Variants in MSN observed in about 807,000 individuals in gnomAD.
MSN encodes the protein epididymis luminal protein 70.
In MSN, 2 loss-of-function variants were observed where a neutral mutation model predicts 48.0. That is an observed-to-expected ratio of 0.04 (90% CI 0.02 to 0.13). The LOEUF (loss-of-function observed/expected upper bound fraction) is 0.13, where lower values mean the gene tolerates loss of function less well. MSN is among the 10% of genes least tolerant of loss of function. MSN has a pLI of 1.00. For missense variants in MSN, 267 were observed against 470.1 expected, an observed-to-expected ratio of 0.57 and a Z score of 3.99; for synonymous variants, 146 against 166.9, an observed-to-expected ratio of 0.87 and a Z score of 0.97.
At chrX:65,627,767 G>A (rs1049142316) in intron 1 of MSN, among the ~76,000 whole-genome samples, 2 of 111,764 alleles carry the variant, frequency 1.8e-5, no homozygotes, top group Non-Finnish European at 3.8e-5. Flanking sequence ...ATAGTCCAAA[G>A]TCTCACCTGA....
chrX:65,595,592 T>C (rs926539743), intron 1 of MSN, among the ~76,000 whole-genome samples: 1 of 112,002 alleles, frequency 8.9e-6, no homozygotes, highest in Non-Finnish European at 1.9e-5. Context: ...GCAAGTGGTC[T>C]AGTTGGGCCT....
At chrX:65,637,067 A>G (rs759962495) in intron 1 of MSN, among the ~76,000 whole-genome samples, 131 of 98,599 alleles carry the variant, frequency 1.3e-3, no homozygotes, top group South Asian at 0.011. Context: ...TCCAGCCTGG[A>G]CGACACAGCA....
At chrX:65,603,106 G>A (rs912693136) in intron 1 of MSN, among the ~76,000 whole-genome samples, 1 of 111,645 alleles carries the variant, frequency 9.0e-6, no homozygotes, top group Admixed American at 9.5e-5. Flanking sequence ...CCAGCCTGGC[G>A]AACATGGTGA....
chrX:65,659,824 A>G (rs1187208377), intron 1 of MSN, among the ~76,000 whole-genome samples: 1 of 111,077 alleles, frequency 9.0e-6, no homozygotes, highest in African/African-American at 3.3e-5. Flanking sequence ...ACCAACCTAT[A>G]TGTGGATGTA....
At chrX:65,695,841 G>A (rs1232371425) in intron 1 of MSN, among the ~76,000 whole-genome samples, 1 of 89,689 alleles carries the variant, frequency 1.1e-5, no homozygotes, top group Non-Finnish European at 1.9e-5. Context: ...AGAGGGTCAG[G>A]AAGCTGGGAA....
At chrX:65,718,041 A>T (rs1383488565) in intron 2 of MSN, among the ~76,000 whole-genome samples, 1 of 111,704 alleles carries the variant, frequency 9.0e-6, no homozygotes, top group Non-Finnish European at 1.9e-5. Flanking sequence ...CTGAGTTCTT[A>T]TTACATAGAG....
chrX:65,688,861 G>A (rs1044467109), intron 1 of MSN, among the ~76,000 whole-genome samples: 3 of 111,780 alleles, frequency 2.7e-5, no homozygotes, highest in African/African-American at 9.8e-5. Flanking sequence ...AAGGCTAATT[G>A]TGCTTTCCAC....
At chrX:65,606,326 A>G (rs1318443751) in intron 1 of MSN, among the ~76,000 whole-genome samples, 1 of 106,927 alleles carries the variant, frequency 9.4e-6, no homozygotes, top group Non-Finnish European at 1.9e-5. Context: ...ATGGGGTTTC[A>G]CCATCTTGGC....
intron 1 of MSN, among the ~76,000 whole-genome samples, chrX:65,618,026 A>T (rs1404018191): frequency 9.1e-6 from 1 of 109,467 alleles, no homozygotes; most frequent in African/African-American, 3.3e-5. Flanking sequence ...ATTGAGTGAG[A>T]TTCTTAATCC....
At chrX:65,689,821 G>A (rs2071155479) in intron 1 of MSN, among the ~76,000 whole-genome samples, 1 of 112,289 alleles carries the variant, frequency 8.9e-6, no homozygotes, top group Non-Finnish European at 1.9e-5. Context: ...TGATGTCAAA[G>A]CATGTGGGGT....
At chrX:65,699,591 T>TA (rs953083123) in intron 1 of MSN, among the ~76,000 whole-genome samples, 8 of 106,347 alleles carry the variant, frequency 7.5e-5, no homozygotes, top group East Asian at 2.9e-4. Context: ...CTACTAAAAA[T>TA]AAAAAAAAAT....
At chrX:65,659,460 A>C (rs2070806549) in intron 1 of MSN, among the ~76,000 whole-genome samples, 1 of 112,068 alleles carries the variant, frequency 8.9e-6, no homozygotes, top group Non-Finnish European at 1.9e-5. Flanking sequence ...GGCATCACAT[A>C]AATCAGCTTC....
intron 1 of MSN, among the ~76,000 whole-genome samples, chrX:65,655,749 G>GT (rs1038265960): frequency 3.6e-5 from 4 of 112,183 alleles, no homozygotes; most frequent in Non-Finnish European, 5.6e-5. Flanking sequence ...ATAGCTTGTG[G>GT]TTTTTTTGTT....
At chrX:65,629,618 G>C (rs770590650) in intron 1 of MSN, among the ~76,000 whole-genome samples, 1 of 111,863 alleles carries the variant, frequency 8.9e-6, no homozygotes, top group Non-Finnish European at 1.9e-5. Context: ...TCAGAACCAT[G>C]GCAGGAGGTG....
chrX:65,693,455 A>G (rs1157863844), intron 1 of MSN, among the ~76,000 whole-genome samples: 1 of 111,918 alleles, frequency 8.9e-6, no homozygotes, highest in Non-Finnish European at 1.9e-5. Flanking sequence ...TTAGTGCTAT[A>G]AATTTCCCTT....
chrX:65,661,759 C>T (rs1377351360), intron 1 of MSN, among the ~76,000 whole-genome samples: 3 of 112,133 alleles, frequency 2.7e-5, no homozygotes, highest in African/African-American at 9.7e-5. Context: ...GTGGCTGACA[C>T]CTGTAATCCC....
At position 65,674,614 on chromosome X, in the gene MSN, A is replaced by G. The variant is rs1338144675; in HGVS notation, c.12+6761A>G. Among the ~76,000 whole-genome samples, 22 of 112,025 alleles carry G rather than the reference A, an allele frequency of 2.0e-4. No individual in the cohort carries two copies. In the Admixed American group the frequency reaches 2.0e-3, roughly 10 times the overall value. On this transcript the variant is annotated intron_variant, in intron 1 of 12. Transcript: ENST00000360270. ...CTTTTTGAATTCTGAATTCTGACTC[A>G]GCGCTCCAGCTTGATCTGTCCCTTG...
rs182575299 is a variant in MSN at position 65,623,318 on chromosome X, A to T, written c.-22+34706A>T. On this transcript the variant is annotated intron_variant, in intron 1 of 3. Transcript: ENST00000609672. ...CCCTTCTATTTCTTGAAAGAGTTTC[A>T]TAAGGGATGTTAGCCTGTAATTTCT... Among the ~76,000 whole-genome samples the T allele has an allele frequency of 4.9e-4, 51 of 104,651 alleles. No homozygotes were observed. The East Asian group carries it at 0.014, about 28-fold the overall frequency. The allele number at this position is 104,651 out of a possible 115,157, so 90.9% of individuals were successfully genotyped here.
At chrX:65,618,822 G>T (rs2070402683) in intron 1 of MSN, among the ~76,000 whole-genome samples, 1 of 111,102 alleles carries the variant, frequency 9.0e-6, no homozygotes, top group Non-Finnish European at 1.9e-5. Context: ...TTATATTTTG[G>T]CATGATTTTG....
Sources: gnomAD v4.1 joint callset for allele counts (sites outside exome capture counted in the v4.1 genomes callset) on GRCh38, gnomAD v4.1.1 for gene constraint, MANE v1.5 for transcripts, NCBI Gene and HGNC (gene_info 2026-07-23, HGNC 2026-07-21) for gene names.